The following SNX29 variants were observed in gnomAD, a reference collection of about 807,000 sequenced individuals.
SNX29 encodes sorting nexin-29.
In SNX29, 78 loss-of-function variants were observed where a neutral mutation model predicts 102.1. That is an observed-to-expected ratio of 0.76 (90% CI 0.64 to 0.92). The LOEUF (loss-of-function observed/expected upper bound fraction) is 0.92, where lower values mean the gene tolerates loss of function less well. SNX29 is among the 40% of genes least tolerant of loss of function. The pLI, the probability that SNX29 is intolerant of heterozygous loss-of-function variation, is 0.00. For synonymous variants in SNX29, 580 were observed against 414.5 expected (o/e 1.40, Z -4.85); for missense variants, 1,280 against 1,061.7 (o/e 1.21, Z -2.86).
chr16:12,196,658 G>T (rs111726980), intron 13 of SNX29, among the ~76,000 whole-genome samples: 1 of 128,872 alleles, frequency 7.8e-6, no homozygotes. Context: ...GTCTCACTCT[G>T]TTGCGAGGCT....
At chr16:12,320,368 C>T (rs537368592) in intron 15 of SNX29, among the ~76,000 whole-genome samples, 15 of 152,112 alleles carry the variant, frequency 9.9e-5, no homozygotes, top group African/African-American at 2.6e-4. Context: ...GTCTTCCTGC[C>T]GCAATGCCTG....
At chr16:12,124,295 G>A (rs576960954) in intron 11 of SNX29, among the ~76,000 whole-genome samples, 6 of 151,476 alleles carry the variant, frequency 4.0e-5, no homozygotes, top group Admixed American at 6.6e-5. Flanking sequence ...GGCAGAGATT[G>A]CAGTGAGCCG....
chr16:12,549,574 C>G (rs746395618), intron 20 of SNX29, among the ~76,000 whole-genome samples: 2 of 152,216 alleles, frequency 1.3e-5, no homozygotes, highest in Non-Finnish European at 2.9e-5. Context: ...CCTGGGACCC[C>G]AGCCCTAAGA....
intron 14 of SNX29, among the ~76,000 whole-genome samples, chr16:12,250,843 G>A (rs114980832): frequency 0.019 from 2,705 of 145,004 alleles, 97 homozygotes; most frequent in African/African-American, 0.072. Context: ...CTGGGCTGGT[G>A]GCTTCGTCTC....
rs372832270 is a variant in SNX29, at chr16:12,524,796, C to G, written c.2273C>G (p.Ala758Gly). The change falls in exon 20 of 21, where the codon GCC becomes GGC. Residue 758 changes from alanine to glycine, a missense_variant. Physicochemically the swap from Ala to Gly is moderately conservative, Grantham distance 60. Transcript: ENST00000566228. ...KVIQMVPEFAASPKKETLIQL... is the reference protein window; with the variant it reads ...KVIQMVPEFAGSPKKETLIQL... ...ATCCAGATGGTCCCCGAGTTCGCTGCCAGCCCCAAGAAGGAGACCCTCATC... is the reference window on the plus strand; with the variant it reads ...ATCCAGATGGTCCCCGAGTTCGCTGGCAGCCCCAAGAAGGAGACCCTCATC... 1.9e-6 allele frequency: 3 copies of G among 1,613,750 alleles called. No individual in the cohort carries two copies. Among genetic ancestry groups the G allele is most frequent in the Non-Finnish European group, 2.5e-6 (3 of 1,179,810 alleles).
rs150300274 is a variant in SNX29 at position 12,051,951 on chromosome 16, A to T, written c.853A>T (p.Thr285Ser). 3.5e-3 allele frequency: 5,666 copies of T among 1,613,868 alleles called. 16 individuals carry two copies. The highest frequency in any genetic ancestry group is 6.6e-3 in the Middle Eastern group (40 of 6,054). ...EQNSGDVFKK[T>S]PGAGESSEDN... ...GAACTCTGGGGACGTGTTTAAAAAG[A>T]CACCTGGGGCAGGGGAGAGCTCAGA... is the stretch of plus-strand genomic sequence containing the variant. The change falls in exon 8 of 21, where the codon ACA (threonine) becomes TCA (serine). Residue 285 changes from threonine to serine, a missense_variant. Physicochemically the swap from Thr to Ser is moderately conservative, Grantham distance 58. Transcript: ENST00000566228.
chr16:12,271,104 C>T lies in SNX29; in HGVS notation c.1679-6829C>T, dbSNP rs138072443. 3.9e-4 allele frequency among the ~76,000 whole-genome samples: 59 copies of T among 152,294 alleles called. 1 individual carries two copies. The highest frequency in any genetic ancestry group is 1.3e-3 in the African/African-American group (53 of 41,554). On this transcript the variant is annotated intron_variant, in intron 14 of 20. Coordinates refer to ENST00000566228, the MANE Select transcript of SNX29 (RefSeq NM_032167.5). ...AACTATGGAATGATTAAAGACTCTACGTTGGTTAACTATTGTTGTGTAACA... is the reference window on the plus strand; with the variant it reads ...AACTATGGAATGATTAAAGACTCTATGTTGGTTAACTATTGTTGTGTAACA...
rs555803783 is a variant in SNX29, at chr16:12,453,960, T to G, written c.2038-23759T>G. 3.9e-5 allele frequency among the ~76,000 whole-genome samples: 6 copies of G among 152,218 alleles called. 1 individual carries two copies. In the South Asian group the frequency reaches 1.2e-3, roughly 32 times the overall value. ...GAAAATAGCCATGGGTTTTTTTTGT[T>G]GTTGTTTTTTTCCTTATCTCTTAGT... On this transcript the variant is annotated intron_variant, in intron 18 of 20. Coordinates refer to ENST00000566228, the MANE Select transcript of SNX29 (RefSeq NM_032167.5).
At chr16:12,147,547 A>G (rs900743773) in intron 13 of SNX29, among the ~76,000 whole-genome samples, 2 of 152,182 alleles carry the variant, frequency 1.3e-5, no homozygotes, top group African/African-American at 2.4e-5. Flanking sequence ...GGAAAGGTGA[A>G]CAATGGGAAG....
At chr16:12,560,017 G>T (rs1481331389) in intron 20 of SNX29, among the ~76,000 whole-genome samples, 1 of 152,154 alleles carries the variant, frequency 6.6e-6, no homozygotes, top group Non-Finnish European at 1.5e-5. Flanking sequence ...TTACATTTTG[G>T]AAGACTTAGT....
intron 14 of SNX29, among the ~76,000 whole-genome samples, chr16:12,277,076 G>C (rs1353015326): frequency 1.3e-5 from 2 of 152,124 alleles, no homozygotes; most frequent in Non-Finnish European, 2.9e-5. Flanking sequence ...TGTAGAAAAA[G>C]GAACTTGGCA....
Position 12,277,989 on chromosome 16 carries a change from G to T in SNX29, c.1735G>T (p.Glu579Ter), listed in dbSNP as rs1279412643. ...TACAGTAGCTGAACAGAAGCCGGGA[G>T]AAATTGCTGAAGAACTCGCAAGCTC... ...EVTVAEQKPG[E>*]IAEELASSYE... is the part of the protein sequence containing the mutation. The change falls in exon 15 of 21, where the codon GAA becomes TAA. Residue 579 changes from glutamate to a stop codon, truncating the protein, a stop_gained. Transcript: ENST00000566228. LOFTEE classifies it high-confidence loss of function. 6.2e-7 allele frequency: 1 copy of T among 1,608,860 alleles called. No individual in the cohort carries two copies. The highest frequency in any genetic ancestry group is 8.5e-7 in the Non-Finnish European group (1 of 1,177,618).
intron 14 of SNX29, among the ~76,000 whole-genome samples, chr16:12,210,341 TTAA>T (rs1436839393): frequency 6.6e-6 from 1 of 151,562 alleles, no homozygotes; most frequent in East Asian, 1.9e-4. Context: ...TTTTTTTTTT[TTAA>T]AGACACAGGG....
At chr16:12,297,103 T>A (rs144104585) in intron 15 of SNX29, 1 of 152,310 alleles carries the variant, frequency 6.6e-6, no homozygotes, top group Non-Finnish European at 1.5e-5. Flanking sequence ...ACCACTTTTT[T>A]CCCCCCGCTG....
At chr16:12,247,212 A>G (rs770049753) in intron 14 of SNX29, among the ~76,000 whole-genome samples, 1 of 152,190 alleles carries the variant, frequency 6.6e-6, no homozygotes, top group Non-Finnish European at 1.5e-5. Flanking sequence ...TATAGCAGTC[A>G]TCTTAGCAAG....
At chr16:12,202,194 A>G (rs1002499307) in intron 14 of SNX29, among the ~76,000 whole-genome samples, 1 of 152,244 alleles carries the variant, frequency 6.6e-6, no homozygotes, top group Non-Finnish European at 1.5e-5. Flanking sequence ...AACTTTTAGA[A>G]TAAACATTGG....
At chr16:12,390,507 C>T (rs980781887) in intron 16 of SNX29, among the ~76,000 whole-genome samples, 1 of 152,114 alleles carries the variant, frequency 6.6e-6, no homozygotes, top group Non-Finnish European at 1.5e-5. Context: ...TTCCTCTCCC[C>T]CTGTCACCTG....
Position 12,133,985 on chromosome 16 carries a change from T to A in SNX29, c.1595+4227T>A, listed in dbSNP as rs554707927. Among the ~76,000 whole-genome samples, 4 of 152,332 alleles carry A rather than the reference T, an allele frequency of 2.6e-5. No homozygotes were observed. In the East Asian group the frequency reaches 7.7e-4, roughly 29 times the overall value. On this transcript the variant is annotated intron_variant, in intron 13 of 20. Transcript: ENST00000566228. ...TACTGGCTTTCCTAGAACAAGGTCA[T>A]GTAACTAGCCTGGTGCTTTTTGGCC...
intron 3 of SNX29, among the ~76,000 whole-genome samples, chr16:12,024,507 A>G (rs932765681): frequency 2.0e-5 from 3 of 152,162 alleles, no homozygotes; most frequent in Admixed American, 6.6e-5. Flanking sequence ...TGGAAAGGGC[A>G]TATGGGGAGG....
Sources: gnomAD v4.1 joint callset for allele counts (sites outside exome capture counted in the v4.1 genomes callset) on GRCh38, gnomAD v4.1.1 for gene constraint, MANE v1.5 for transcripts, NCBI Gene and HGNC (gene_info 2026-07-23, HGNC 2026-07-21) for gene names.